Variants in NSD2 observed in about 807,000 individuals in gnomAD.
NSD2 encodes nuclear receptor binding SET domain protein 2, also known as histone-lysine N-methyltransferase NSD2.
A neutral mutation model predicts 139.0 loss-of-function variants in NSD2; 12 were observed. That is an observed-to-expected ratio of 0.09 (90% CI 0.06 to 0.14). The LOEUF (loss-of-function observed/expected upper bound fraction) is 0.14. Ranked by LOEUF, NSD2 falls within the 10% of genes least tolerant of loss-of-function variation. NSD2 has a pLI of 1.00. For missense variants in NSD2, 1,155 were observed against 1,745.0 expected, an observed-to-expected ratio of 0.66 and a Z score of 6.02; for synonymous variants, 669 against 648.7, an observed-to-expected ratio of 1.03 and a Z score of -0.48.
rs967916603 is a variant in NSD2 at position 1,955,403 on chromosome 4, G to A, written c.2518+63G>A. The A allele has an allele frequency of 6.5e-7, 1 of 1,539,224 alleles. No individual in the cohort carries two copies. Among genetic ancestry groups the A allele is most frequent in the Non-Finnish European group, 8.8e-7 (1 of 1,139,702 alleles). Reference sequence around the variant, plus strand: ...ACACTCCCAGGAGCCACATATCAAGGCAGGCTCATTCCTTGTCTGCGCTGT... The same window carrying A: ...ACACTCCCAGGAGCCACATATCAAGACAGGCTCATTCCTTGTCTGCGCTGT... On this transcript the variant is annotated intron_variant, in intron 13 of 21. Coordinates refer to ENST00000508803, the MANE Select transcript of NSD2 (RefSeq NM_001042424.3). The surrounding 1 kb of genome is among the most constrained non-coding windows in gnomAD (Gnocchi z 4.7).
rs1045134235 is a variant in NSD2, at chr4:1,956,049, G to A, written c.2742G>A (p.Glu914=). Residue 914 remains glutamate, a synonymous_variant, in exon 15 of 22, where the codon GAG becomes GAA. Transcript: ENST00000508803. This position sits in a 1 kb window ranked among gnomAD's most constrained non-coding sequence, Gnocchi z 5.3. Reference sequence around the variant, plus strand: ...CAAATATTCAGAAAATGAAGCACGAGATTGGAGAATTCCCTGTGTTTTTCT... The same window carrying A: ...CAAATATTCAGAAAATGAAGCACGAAATTGGAGAATTCCCTGTGTTTTTCT... The part of the protein sequence containing the change: ...VPPNIQKMKH[E]IGEFPVFFFG... 4 of 1,614,036 alleles carry A rather than the reference G, an allele frequency of 2.5e-6. No individual in the cohort carries two copies. The Admixed American group carries it at 5.0e-5, about 20-fold the overall frequency.
chr4:1,896,222 G>C (rs1376028392), intron 1 of NSD2, among the ~76,000 whole-genome samples: 1 of 152,176 alleles, frequency 6.6e-6, no homozygotes, highest in Non-Finnish European at 1.5e-5. Flanking sequence ...GCCCAGTCAG[G>C]CCCAAGCCCC....
intron 9 of NSD2, chr4:1,945,088 G>A: frequency 9.4e-7 from 1 of 1,066,462 alleles, no homozygotes; most frequent in Non-Finnish European, 1.1e-6. Context: ...TTCTTGAGTG[G>A]GTGGAGTGGT....
chr4:1,961,792 G>A (rs1725397338), intron 18 of NSD2, among the ~76,000 whole-genome samples: 1 of 152,228 alleles, frequency 6.6e-6, no homozygotes, highest in African/African-American at 2.4e-5. Flanking sequence ...CCCTGTGGGG[G>A]TGCGTGTCAT....
At chr4:1,970,837 C>T (rs1726392216) in intron 18 of NSD2, among the ~76,000 whole-genome samples, 1 of 152,176 alleles carries the variant, frequency 6.6e-6, no homozygotes, top group African/African-American at 2.4e-5. Context: ...GCCAACAGGA[C>T]AGGACGGAGT....
Position 1,938,435 on chromosome 4 carries a change from T to G in NSD2, c.1675-16T>G. 1 of 1,264,598 alleles carries G rather than the reference T, an allele frequency of 7.9e-7. No individual in the cohort carries two copies. The allele number at this position is 1,264,598 out of a possible 1,614,324, so 78.3% of individuals were successfully genotyped here. ...TTCTTTCTTTTTTTTTTTTTTTTTTTTTTTTTAAATAATAGAGAGACACAA... is the reference window on the plus strand; with the variant it reads ...TTCTTTCTTTTTTTTTTTTTTTTTTGTTTTTTAAATAATAGAGAGACACAA... On this transcript the variant is annotated splice_polypyrimidine_tract_variant and intron_variant, in intron 7 of 21. Transcript: ENST00000508803.
chr4:1,900,590 C>CT, intron 1 of NSD2, 36 bp from the exon 2 acceptor site: 1 of 1,412,294 alleles, frequency 7.1e-7, no homozygotes, highest in East Asian at 2.4e-5. Flanking sequence ...AATGTAATTG[C>CT]TTTTTCTTTC....
At chr4:1,919,795 G>T (rs1719880317) in intron 5 of NSD2, among the ~76,000 whole-genome samples, 1 of 152,134 alleles carries the variant, frequency 6.6e-6, no homozygotes. Context: ...AATTAGCTGG[G>T]CATGGTGACG....
At chr4:1,944,545 C>T in intron 9 of NSD2, 1 of 1,065,352 alleles carries the variant, frequency 9.4e-7, no homozygotes, top group Non-Finnish European at 1.1e-6. Flanking sequence ...GGAGGTGGCT[C>T]TCCAGTGTAA....
intron 3 of NSD2, among the ~76,000 whole-genome samples, chr4:1,909,960 T>G (rs938590235): frequency 2.0e-5 from 3 of 151,964 alleles, no homozygotes; most frequent in Non-Finnish European, 4.4e-5. Context: ...AAAAAAAAAT[T>G]ATTTATCATG....
chr4:1,888,575 T>TAA (rs1715291585), intron 1 of NSD2, among the ~76,000 whole-genome samples: 1 of 152,128 alleles, frequency 6.6e-6, no homozygotes, highest in Non-Finnish European at 1.5e-5. Flanking sequence ...AAATTGTTTT[T>TAA]ATTTTTTTTG....
At chr4:1,880,452 G>A (rs114996966) in intron 1 of NSD2, among the ~76,000 whole-genome samples, 266 of 152,196 alleles carry the variant, frequency 1.7e-3, no homozygotes, top group African/African-American at 6.1e-3. Flanking sequence ...GTGTACTTCT[G>A]CCTGATATTT....
intron 1 of NSD2, among the ~76,000 whole-genome samples, chr4:1,876,905 G>A (rs1714303575): frequency 6.6e-6 from 1 of 152,154 alleles, no homozygotes; most frequent in Admixed American, 6.6e-5. Context: ...GGAGGCCAAG[G>A]CAGGCAGATC....
chr4:1,943,686 C>A, intron 9 of NSD2: 1 of 1,047,986 alleles, frequency 9.5e-7, no homozygotes, highest in Non-Finnish European at 1.2e-6. Context: ...TGTGTTACTC[C>A]AAAGGACATG....
Position 1,932,780 on chromosome 4 carries a change from C to A in NSD2, c.1555+2010C>A, listed in dbSNP as rs149502776. Among the ~76,000 whole-genome samples the A allele has an allele frequency of 1.2e-3, 179 of 152,264 alleles. 1 individual carries two copies. In the East Asian group the frequency reaches 0.015, roughly 13 times the overall value. On this transcript the variant is annotated intron_variant, in intron 6 of 21. Coordinates refer to ENST00000508803, the MANE Select transcript of NSD2 (RefSeq NM_001042424.3). ...AAAAAAATGAAAATCCATACAGATG[C>A]CCCTGTTGCTTGTTTCTGTAAGAAG...
At chr4:1,880,281 T>G (rs1714606116) in intron 1 of NSD2, among the ~76,000 whole-genome samples, 1 of 152,080 alleles carries the variant, frequency 6.6e-6, no homozygotes, top group Non-Finnish European at 1.5e-5. Flanking sequence ...TGATCCAAAG[T>G]CACAAGGCTG....
At chr4:1,952,464 G>T (rs1192039889) in intron 11 of NSD2, among the ~76,000 whole-genome samples, 1 of 152,186 alleles carries the variant, frequency 6.6e-6, no homozygotes, top group African/African-American at 2.4e-5. Flanking sequence ...CTTTCCATCA[G>T]GTGGCGGGCA....
chr4:1,894,705 T>C (rs1716016794), intron 1 of NSD2, among the ~76,000 whole-genome samples: 1 of 151,430 alleles, frequency 6.6e-6, no homozygotes, highest in Non-Finnish European at 1.5e-5. Flanking sequence ...AAAGAAGAAG[T>C]TGTCTTTCCC....
intron 5 of NSD2, among the ~76,000 whole-genome samples, chr4:1,924,587 T>C (rs1417305042): frequency 6.6e-6 from 1 of 151,984 alleles, no homozygotes; most frequent in African/African-American, 2.4e-5. Flanking sequence ...CTAAAAGTAA[T>C]ATAAAACCAA....
Sources: gnomAD v4.1 joint callset for allele counts (sites outside exome capture counted in the v4.1 genomes callset) on GRCh38, gnomAD v4.1.1 for gene constraint, Gnocchi (gnomAD v3.1) non-coding constraint, MANE v1.5 for transcripts, NCBI Gene and HGNC (gene_info 2026-07-23, HGNC 2026-07-21) for gene names.